The following SNX24 variants were observed in gnomAD, a reference collection of about 807,000 sequenced individuals.
SNX24 encodes sorting nexin 24.
A neutral mutation model predicts 28.7 loss-of-function variants in SNX24; 22 were observed. That is an observed-to-expected ratio of 0.77 (90% CI 0.55 to 1.10). SNX24 has a LOEUF of 1.10. Ranked by LOEUF, SNX24 falls within the 50% of genes least tolerant of loss-of-function variation. The probability of loss-of-function intolerance (pLI) is 0.00; values close to 1 mark genes in which losing one functional copy is unlikely to be tolerated. For missense variants in SNX24, 221 were observed against 201.1 expected (o/e 1.10, Z -0.60); for synonymous variants, 69 against 71.5 (o/e 0.96, Z 0.18).
At chr5:122,936,700 C>T (rs775937391) in intron 1 of SNX24, 34 bp from the exon 2 acceptor site, 7 of 1,227,302 alleles carry the variant, frequency 5.7e-6, no homozygotes, top group South Asian at 1.3e-5. Flanking sequence ...GGGTTTTGAA[C>T]TAATATAATT....
Position 122,985,038 on chromosome 5 carries a change from G to T in SNX24, c.250-14874G>T, listed in dbSNP as rs118165591. On this transcript the variant is annotated intron_variant, in intron 3 of 6. Coordinates refer to ENST00000261369, the MANE Select transcript of SNX24 (RefSeq NM_014035.4). The stretch of plus-strand genomic sequence containing the variant: ...AGAGGTCAGAGAGGGACTTCTTTGG[G>T]TAGCAGAGTCCATTTGATACAAAGC... Among the ~76,000 whole-genome samples, 133 of 152,332 alleles carry T rather than the reference G, an allele frequency of 8.7e-4. 1 individual carries two copies. In the East Asian group the frequency reaches 0.022, roughly 25 times the overall value.
intron 3 of SNX24, among the ~76,000 whole-genome samples, chr5:122,964,247 C>CAAAAAAAAAA (rs34174497): frequency 8.5e-4 from 31 of 36,556 alleles, no homozygotes; most frequent in East Asian, 2.2e-3. Context: ...GACTCCATCT[C>CAAAAAAAAAA]AAAAAAAAAA....
At chr5:123,011,828 T>C (rs1762584529), downstream of SNX24, among the ~76,000 whole-genome samples, 1 of 152,208 alleles carries the variant, frequency 6.6e-6, no homozygotes, top group African/African-American at 2.4e-5. Flanking sequence ...CTTCTGGATA[T>C]ATACCTAAAA....
chr5:122,882,975 G>A (rs1457746124), intron 1 of SNX24, among the ~76,000 whole-genome samples: 1 of 152,126 alleles, frequency 6.6e-6, no homozygotes, highest in Non-Finnish European at 1.5e-5. Context: ...AATGGCTTGA[G>A]TGGAGGAATG....
At chr5:122,914,895 T>C (rs1173287720) in intron 1 of SNX24, among the ~76,000 whole-genome samples, 2 of 152,172 alleles carry the variant, frequency 1.3e-5, no homozygotes, top group Admixed American at 6.6e-5. Flanking sequence ...AATTTAGGTA[T>C]GGATGTGGCT....
In SNX24 at chr5:122,906,913, G is replaced by A. The variant is rs377420157; in HGVS notation, c.61-29821G>A. Among the ~76,000 whole-genome samples the A allele has an allele frequency of 5.3e-5, 8 of 152,276 alleles. No homozygotes were observed. The East Asian group carries it at 1.3e-3, about 26-fold the overall frequency. On this transcript the variant is annotated intron_variant, in intron 1 of 6. Coordinates refer to ENST00000261369, the MANE Select transcript of SNX24 (RefSeq NM_014035.4). ...GGGGCAGGATTCGAGCCCCAGCAGCGTGACTCTAGCCCCTGCTCATGCAGC... is the reference window on the plus strand; with the variant it reads ...GGGGCAGGATTCGAGCCCCAGCAGCATGACTCTAGCCCCTGCTCATGCAGC...
chr5:122,861,591 C>A (rs986091456), intron 1 of SNX24, among the ~76,000 whole-genome samples: 2 of 152,040 alleles, frequency 1.3e-5, no homozygotes, highest in African/African-American at 4.8e-5. Context: ...TTAGAAGGAG[C>A]AGAAAACCTT....
intron 3 of SNX24, among the ~76,000 whole-genome samples, chr5:122,947,680 CA>C (rs1386784239): frequency 2.0e-5 from 3 of 151,882 alleles, no homozygotes; most frequent in South Asian, 2.1e-4. Context: ...CACTGCAGAG[CA>C]AAAAACAAAC....
chr5:122,972,245 A>G (rs1191793293), intron 3 of SNX24, among the ~76,000 whole-genome samples: 3 of 152,204 alleles, frequency 2.0e-5, no homozygotes, highest in Non-Finnish European at 4.4e-5. Context: ...TCTGGAACTG[A>G]CACCTTTAGG....
intron 5 of SNX24, among the ~76,000 whole-genome samples, chr5:123,028,057 T>C (rs974334274): frequency 6.6e-6 from 1 of 152,200 alleles, no homozygotes. Context: ...TAAAAAAGTA[T>C]TGGTTCCCAG....
At chr5:123,026,093 G>A (rs1361953699) in intron 5 of SNX24, 3 of 779,190 alleles carry the variant, frequency 3.9e-6, no homozygotes, top group Non-Finnish European at 5.9e-6. Flanking sequence ...GGGAAGACAT[G>A]TTCAAACATA....
intron 1 of SNX24, among the ~76,000 whole-genome samples, chr5:122,923,774 G>A (rs1758551270): frequency 3.3e-5 from 5 of 152,166 alleles, no homozygotes; most frequent in Admixed American, 3.3e-4. Flanking sequence ...GATGCTCATA[G>A]AAAGGAGCCT....
chr5:122,851,367 T>C (rs548634490), intron 1 of SNX24, among the ~76,000 whole-genome samples: 2 of 152,174 alleles, frequency 1.3e-5, no homozygotes, highest in South Asian at 4.1e-4. Context: ...AGTTTCATCA[T>C]GTTGGCCAGG....
At chr5:123,012,814 A>C (rs1762614295), downstream of SNX24, among the ~76,000 whole-genome samples, 1 of 152,186 alleles carries the variant, frequency 6.6e-6, no homozygotes, top group Non-Finnish European at 1.5e-5. Context: ...GGCAACCTCT[A>C]CAATCCTGAA....
intron 3 of SNX24, among the ~76,000 whole-genome samples, chr5:122,996,895 T>C (rs1284446919): frequency 6.6e-6 from 1 of 152,212 alleles, no homozygotes; most frequent in African/African-American, 2.4e-5. Context: ...AGTTGAGAGA[T>C]TTAAACCCAA....
chr5:122,928,790 G>A (rs777343008), intron 1 of SNX24, among the ~76,000 whole-genome samples: 1 of 151,474 alleles, frequency 6.6e-6, no homozygotes, highest in Non-Finnish European at 1.5e-5. Flanking sequence ...TGAGATAAGT[G>A]ATGAGTATAT....
intron 3 of SNX24, among the ~76,000 whole-genome samples, chr5:122,980,666 T>C (rs1398588489): frequency 6.6e-6 from 1 of 151,004 alleles, no homozygotes; most frequent in African/African-American, 2.4e-5. Context: ...AATGCTGGTG[T>C]GCTCAGTCGG....
At chr5:122,935,694 A>T (rs1050596215) in intron 1 of SNX24, among the ~76,000 whole-genome samples, 37 of 149,540 alleles carry the variant, frequency 2.5e-4, no homozygotes, top group Non-Finnish European at 4.4e-5. Flanking sequence ...ATCTATTTTC[A>T]TAATGAAGAT....
chr5:122,910,340 T>C (rs1247136067), intron 1 of SNX24, among the ~76,000 whole-genome samples: 1 of 152,150 alleles, frequency 6.6e-6, no homozygotes, highest in Non-Finnish European at 1.5e-5. Flanking sequence ...ATTTTTACTT[T>C]TGAAATTCTT....
Sources: allele counts gnomAD v4.1 joint callset (sites outside exome capture counted in the v4.1 genomes callset), GRCh38; gene constraint gnomAD v4.1.1; transcripts MANE v1.5; gene names NCBI Gene and HGNC (gene_info 2026-07-23, HGNC 2026-07-21).